LCLAT1: variants seen among roughly 807,000 people sequenced by gnomAD.
LCLAT1 encodes the protein lysocardiolipin acyltransferase 1.
Under a neutral mutation model 30.7 loss-of-function variants are expected in LCLAT1, and 11 were observed. The observed-to-expected ratio is 0.36, with a 90% CI of 0.23 to 0.59. The LOEUF (loss-of-function observed/expected upper bound fraction) is 0.59. Among genes scored for constraint, LCLAT1 ranks in the 20% least tolerant of loss-of-function variants. LCLAT1 has a pLI of 0.77. For synonymous variants in LCLAT1, 155 were observed against 151.3 expected, an observed-to-expected ratio of 1.02 and a Z score of -0.18; for missense variants, 402 against 458.6, an observed-to-expected ratio of 0.88 and a Z score of 1.13.
intron 5 of LCLAT1, among the ~76,000 whole-genome samples, chr2:30,620,477 G>C (rs956636066): frequency 1.1e-4 from 16 of 152,172 alleles, no homozygotes; most frequent in African/African-American, 3.1e-4. Context: ...TAAAATGGCA[G>C]CTCCATAGGA....
chr2:30,467,570 C>T (rs1682510842), intron 1 of LCLAT1, among the ~76,000 whole-genome samples: 1 of 152,168 alleles, frequency 6.6e-6, no homozygotes, highest in Admixed American at 6.5e-5. Flanking sequence ...TAAAAGTGTT[C>T]CTATTTCTCC....
intron 5 of LCLAT1, among the ~76,000 whole-genome samples, chr2:30,589,147 G>T (rs1045479862): frequency 6.6e-6 from 1 of 152,198 alleles, no homozygotes; most frequent in African/African-American, 2.4e-5. Context: ...ATTCCAGTTA[G>T]GTTCACTTGG....
At chr2:30,607,017 A>G (rs1667476087) in intron 5 of LCLAT1, 1 of 152,180 alleles carries the variant, frequency 6.6e-6, no homozygotes, top group African/African-American at 2.4e-5. Flanking sequence ...GAGAAATGCA[A>G]ATCAAAACCA....
intron 1 of LCLAT1, among the ~76,000 whole-genome samples, chr2:30,514,567 G>T (rs748276865): frequency 6.6e-6 from 1 of 152,178 alleles, no homozygotes; most frequent in African/African-American, 2.4e-5. Context: ...TAAAGTTCCT[G>T]ATAGGTATTC....
chr2:30,525,785 C>A, intron 2 of LCLAT1, 30 bp downstream of exon 2: 1 of 1,609,742 alleles, frequency 6.2e-7, no homozygotes, highest in Non-Finnish European at 8.5e-7. Flanking sequence ...AGACTGTCTG[C>A]TTGTACTAGA....
chr2:30,519,279 C>T (rs1031557873), intron 1 of LCLAT1, among the ~76,000 whole-genome samples: 2 of 152,206 alleles, frequency 1.3e-5, no homozygotes, highest in Admixed American at 1.3e-4. Context: ...ACAAATCGTT[C>T]TTTAAATGGA....
At chr2:30,526,546 T>A (rs1340955101) in intron 2 of LCLAT1, among the ~76,000 whole-genome samples, 1 of 152,226 alleles carries the variant, frequency 6.6e-6, no homozygotes, top group Admixed American at 6.5e-5. Context: ...GTCAGCTGGA[T>A]GATGTCTAGT....
At position 30,521,489 on chromosome 2, in the gene LCLAT1, C is replaced by CTTTTTTTTTTTTTTTTTTTT. The variant is rs1262784785; in HGVS notation, c.-4-4096_-4-4095insTTTTTTTTTTTTTTTTTTTT. Among the ~76,000 whole-genome samples the CTTTTTTTTTTTTTTTTTTTT allele has an allele frequency of 1.1e-4, 6 of 55,564 alleles. 1 individual carries two copies. Among genetic ancestry groups the CTTTTTTTTTTTTTTTTTTTT allele is most frequent in the African/African-American group, 4.1e-4 (5 of 12,262 alleles). 36.5% of individuals were successfully genotyped at this position (55,564 alleles called of 152,430 possible). A position where few individuals can be genotyped will look rare whatever the true frequency, so the allele number is the denominator to read the frequency against. On this transcript the variant is annotated intron_variant, in intron 1 of 5. Coordinates refer to ENST00000379509, the MANE Select transcript of LCLAT1 (RefSeq NM_001002257.3). Reference sequence around the variant, plus strand: ...GTTTCCTCAACCCCCTAAACTACTTCTTCTTTTTTTTTTTTTTTTTTTTTT... The same window carrying CTTTTTTTTTTTTTTTTTTTT: ...GTTTCCTCAACCCCCTAAACTACTTCTTTTTTTTTTTTTTTTTTTTTTCTTTTTTTTTTTTTTTTTTTTTT...
At chr2:30,468,715 A>G (rs1682608447) in intron 1 of LCLAT1, among the ~76,000 whole-genome samples, 1 of 152,118 alleles carries the variant, frequency 6.6e-6, no homozygotes, top group South Asian at 2.1e-4. Flanking sequence ...TCTGGCAACC[A>G]CCAGTCTGCT....
At chr2:30,469,176 C>T (rs1682634518) in intron 1 of LCLAT1, among the ~76,000 whole-genome samples, 1 of 151,902 alleles carries the variant, frequency 6.6e-6, no homozygotes, top group South Asian at 2.1e-4. Flanking sequence ...AATTTTTCTT[C>T]CATTCTGTGG....
chr2:30,447,906 GGCCTGCCTGTAGGT>G (rs1172763215), intron 1 of LCLAT1, among the ~76,000 whole-genome samples: 1 of 152,250 alleles, frequency 6.6e-6, no homozygotes, highest in Non-Finnish European at 1.5e-5. Flanking sequence ...AGGCGCCAAA[GGCCTGCCTGTAGGT>G]GCCAGAGTGG....
Position 30,454,589 on chromosome 2 carries a change from AC to A in LCLAT1, c.-5+7207del, listed in dbSNP as rs765587186. Among the ~76,000 whole-genome samples, 70 of 151,608 alleles carry A rather than the reference AC, an allele frequency of 4.6e-4. 1 individual carries two copies. Among genetic ancestry groups the A allele is most frequent in the Admixed American group, 4.1e-3 (62 of 15,222 alleles). ...TCTCAAGCTTCCCAGAGTAGCTGGT[AC>A]TACAGGCATGTGCCACCGCGTCTGG... On this transcript the variant is annotated intron_variant, in intron 1 of 5. Transcript: ENST00000379509.
At chr2:30,474,734 G>A (rs1040263079) in intron 1 of LCLAT1, among the ~76,000 whole-genome samples, 7 of 148,396 alleles carry the variant, frequency 4.7e-5, no homozygotes, top group African/African-American at 1.7e-4. Flanking sequence ...CAGTAGCCTT[G>A]ACCTCCTGGG....
At position 30,604,313 on chromosome 2, in the gene LCLAT1, C is replaced by T. The variant is rs143016037; in HGVS notation, c.629-35804C>T. ...GTGACTTCTTAGCTTAGAGAAAAGA[C>T]GACTAAGAGAAGATTTGACAGCTGT... On this transcript the variant is annotated intron_variant, in intron 5 of 5. Transcript: ENST00000379509. Among the ~76,000 whole-genome samples, 392 of 150,808 alleles carry T rather than the reference C, an allele frequency of 2.6e-3. 1 individual carries two copies. Among genetic ancestry groups the T allele is most frequent in the South Asian group, 0.016 (77 of 4,718 alleles).
intron 3 of LCLAT1, among the ~76,000 whole-genome samples, chr2:30,533,997 T>G (rs1427842022): frequency 1.3e-5 from 2 of 152,172 alleles, no homozygotes; most frequent in East Asian, 3.8e-4. Flanking sequence ...GTTATTCACA[T>G]GGGTATATGA....
At chr2:30,495,821 C>T (rs1684081584) in intron 1 of LCLAT1, among the ~76,000 whole-genome samples, 1 of 152,110 alleles carries the variant, frequency 6.6e-6, no homozygotes, top group African/African-American at 2.4e-5. Context: ...TAAAGATTTA[C>T]ATGAAAACAT....
At chr2:30,544,810 C>T (rs1463388235) in intron 3 of LCLAT1, among the ~76,000 whole-genome samples, 2 of 152,164 alleles carry the variant, frequency 1.3e-5, no homozygotes, top group Admixed American at 1.3e-4. Flanking sequence ...GGTCCATAAT[C>T]TTTTTCCTTC....
chr2:30,495,101 G>A (rs962337087), intron 1 of LCLAT1, among the ~76,000 whole-genome samples: 3 of 151,942 alleles, frequency 2.0e-5, no homozygotes, highest in Admixed American at 6.6e-5. Context: ...TTTCTTAAAA[G>A]TAAAGTACAC....
chr2:30,549,141 A>G (rs1664563864), intron 3 of LCLAT1, among the ~76,000 whole-genome samples: 1 of 152,254 alleles, frequency 6.6e-6, no homozygotes, highest in Non-Finnish European at 1.5e-5. Context: ...ACTTCTGAAC[A>G]GAGCTGAAGC....
Sources: gnomAD v4.1 joint callset for allele counts (sites outside exome capture counted in the v4.1 genomes callset) on GRCh38, gnomAD v4.1.1 for gene constraint, MANE v1.5 for transcripts, NCBI Gene and HGNC (gene_info 2026-07-23, HGNC 2026-07-21) for gene names.